PDE11A: variants seen among roughly 807,000 people sequenced by gnomAD.
The protein encoded by PDE11A is phosphodiesterase 11A.
A neutral mutation model predicts 100.5 loss-of-function variants in PDE11A; 100 were observed. The ratio of observed to expected loss-of-function variants is 1.00; its 90% CI spans 0.85 to 1.18. The LOEUF is 1.18. Among genes scored for constraint, PDE11A ranks in the 50% most tolerant of loss-of-function variants. PDE11A has a pLI of 0.00. For missense variants in PDE11A, 1,141 were observed against 1,152.6 expected, an observed-to-expected ratio of 0.99 and a Z score of 0.15; for synonymous variants, 381 against 420.8, an observed-to-expected ratio of 0.91 and a Z score of 1.16.
intron 10 of PDE11A, among the ~76,000 whole-genome samples, chr2:177,763,320 G>T (rs2082194967): frequency 6.6e-6 from 1 of 152,200 alleles, no homozygotes; most frequent in Non-Finnish European, 1.5e-5. Flanking sequence ...GGGCACAGAA[G>T]AGGAGACAGC....
rs1053349543 is a variant in PDE11A at position 177,623,309 on chromosome 2, A to T, written c.*6098T>A. On this transcript the variant is annotated 3_prime_UTR_variant, in exon 20 of 20. Coordinates refer to ENST00000286063, the MANE Select transcript of PDE11A (RefSeq NM_016953.4). ...TCAGGTCTCTTAAAGCGGGCTTCCA[A>T]AACTATGGATTAGTTGCTTGTGAAA... 1 of 152,250 alleles carries T rather than the reference A, an allele frequency of 6.6e-6. No individual in the cohort carries two copies. The highest frequency in any genetic ancestry group is 1.5e-5 in the Non-Finnish European group (1 of 68,046). 9.4% of individuals were successfully genotyped at this position (152,250 alleles called of 1,614,324 possible).
At chr2:177,986,198 G>A (rs1324026813) in intron 2 of PDE11A, among the ~76,000 whole-genome samples, 1 of 152,166 alleles carries the variant, frequency 6.6e-6, no homozygotes, top group Non-Finnish European at 1.5e-5. Flanking sequence ...GAGACCTTCA[G>A]GAAAGTGGGG....
Position 177,919,144 on chromosome 2 carries a change from C to A in PDE11A, c.1072-13957G>T, listed in dbSNP as rs2084999588. Among the ~76,000 whole-genome samples, 2 of 149,244 alleles carry A rather than the reference C, an allele frequency of 1.3e-5. 1 individual carries two copies. The highest frequency in any genetic ancestry group is 4.3e-4 in the South Asian group (2 of 4,654). On this transcript the variant is annotated intron_variant, in intron 2 of 19. Coordinates refer to ENST00000286063, the MANE Select transcript of PDE11A (RefSeq NM_016953.4). The stretch of plus-strand genomic sequence containing the variant: ...ACAGAGTCTCGCTTTGTTGCCCAGG[C>A]TGGAGTGCAGTGGCATGATCATGGC...
chr2:177,701,501 AAGATG>A (rs2081196693), intron 13 of PDE11A, among the ~76,000 whole-genome samples: 1 of 152,204 alleles, frequency 6.6e-6, no homozygotes, highest in Non-Finnish European at 1.5e-5. Context: ...ACTAGTAAGA[AAGATG>A]AGATGAGATA....
intron 5 of PDE11A, among the ~76,000 whole-genome samples, chr2:177,854,393 TA>T (rs1472076174): frequency 6.6e-6 from 1 of 152,056 alleles, no homozygotes; most frequent in African/African-American, 2.4e-5. Flanking sequence ...CCAAATTCAT[TA>T]AGATGAATTT....
chr2:177,814,044 A>C (rs1429239540), intron 9 of PDE11A, among the ~76,000 whole-genome samples: 1 of 152,106 alleles, frequency 6.6e-6, no homozygotes, highest in East Asian at 1.9e-4. Context: ...CCAGGATCTC[A>C]GAAAGAAGGG....
rs74583568 is a variant in PDE11A at position 177,774,761 on chromosome 2, C to A, written c.1738-5388G>T. 1.7e-3 allele frequency among the ~76,000 whole-genome samples: 266 copies of A among 152,294 alleles called. 3 individuals are homozygous for A. Among genetic ancestry groups the A allele is most frequent in the African/African-American group, 6.2e-3 (258 of 41,562 alleles). ...ATTCACTGGCTTTTCAAATTTAACA[C>A]GTCTAAATAAACATGAAGATTTTCC... On this transcript the variant is annotated intron_variant, in intron 9 of 19. Coordinates refer to ENST00000286063, the MANE Select transcript of PDE11A (RefSeq NM_016953.4).
At chr2:177,904,135 T>A (rs955532170) in intron 3 of PDE11A, among the ~76,000 whole-genome samples, 9 of 152,210 alleles carry the variant, frequency 5.9e-5, no homozygotes, top group African/African-American at 2.2e-4. Flanking sequence ...GTTACAGTAA[T>A]CTTCCTATAT....
At chr2:177,750,916 G>T (rs1021713524) in intron 10 of PDE11A, among the ~76,000 whole-genome samples, 4 of 152,006 alleles carry the variant, frequency 2.6e-5, no homozygotes, top group African/African-American at 7.2e-5. Flanking sequence ...TTACAGAATC[G>T]CCTGGGGGCT....
chr2:177,893,470 C>T (rs377652607), intron 4 of PDE11A, among the ~76,000 whole-genome samples: 15 of 152,256 alleles, frequency 9.9e-5, no homozygotes, highest in African/African-American at 3.6e-4. Context: ...GTTTTGGAAC[C>T]TAAAAACCCA....
chr2:178,032,917 A>G (rs1458367215), intron 1 of PDE11A, among the ~76,000 whole-genome samples: 1 of 152,244 alleles, frequency 6.6e-6, no homozygotes, highest in Non-Finnish European at 1.5e-5. Context: ...TCAAAGGTAG[A>G]TAAATCCATG....
At chr2:177,746,355 G>C (rs992813249) in intron 10 of PDE11A, among the ~76,000 whole-genome samples, 1 of 152,102 alleles carries the variant, frequency 6.6e-6, no homozygotes, top group Non-Finnish European at 1.5e-5. Context: ...ATAGATCTGG[G>C]AGGAAACGGA....
chr2:177,839,597 C>T lies in PDE11A; in HGVS notation c.1500+654G>A, dbSNP rs368158038. On this transcript the variant is annotated intron_variant, in intron 6 of 19. Coordinates refer to ENST00000286063, the MANE Select transcript of PDE11A (RefSeq NM_016953.4). The stretch of plus-strand genomic sequence containing the variant: ...TCACTTCCCCAACTCCCCATGCCTG[C>T]TCAGCTTTGCCTGGAACACACATCT... Among the ~76,000 whole-genome samples the T allele has an allele frequency of 2.5e-4, 38 of 152,262 alleles. No homozygotes were observed. The South Asian group carries it at 5.8e-3, about 23-fold the overall frequency.
chr2:177,903,761 G>C (rs1251263066), intron 3 of PDE11A, among the ~76,000 whole-genome samples: 1 of 152,220 alleles, frequency 6.6e-6, no homozygotes, highest in African/African-American at 2.4e-5. Flanking sequence ...CACATGATGT[G>C]GTTGGAAGGA....
At chr2:177,727,910 A>G (rs1045537619) in intron 11 of PDE11A, 116 bp downstream of exon 11, 3 of 1,016,896 alleles carry the variant, frequency 3.0e-6, no homozygotes, top group Admixed American at 3.6e-5. Context: ...TAATCCCATG[A>G]GGTGTGCAGG....
At chr2:177,662,031 G>A (rs1188652582) in intron 19 of PDE11A, among the ~76,000 whole-genome samples, 2 of 152,168 alleles carry the variant, frequency 1.3e-5, no homozygotes, top group Non-Finnish European at 2.9e-5. Context: ...AAGTAAAACA[G>A]ATGTGAAAAA....
chr2:177,646,581 A>G (rs2080227453), intron 19 of PDE11A, among the ~76,000 whole-genome samples: 2 of 152,244 alleles, frequency 1.3e-5, no homozygotes, highest in Non-Finnish European at 1.5e-5. Context: ...TTGGCTGAGT[A>G]CCAGGCTCAT....
chr2:177,675,987 G>A, intron 16 of PDE11A: 1 of 281,806 alleles, frequency 3.5e-6, no homozygotes, highest in East Asian at 8.9e-5. Flanking sequence ...GCCACATAAG[G>A]GGCTCCTTCA....
chr2:177,887,614 T>G (rs2084459236), intron 4 of PDE11A, among the ~76,000 whole-genome samples: 1 of 151,998 alleles, frequency 6.6e-6, no homozygotes, highest in South Asian at 2.1e-4. Context: ...ATTAGCTGGA[T>G]GTGGTGGTGT....
Sources: gnomAD v4.1 joint callset for allele counts (sites outside exome capture counted in the v4.1 genomes callset) on GRCh38, gnomAD v4.1.1 for gene constraint, MANE v1.5 for transcripts, NCBI Gene and HGNC (gene_info 2026-07-23, HGNC 2026-07-21) for gene names.